CHST9: variants seen among roughly 807,000 people sequenced by gnomAD.
CHST9 encodes GalNAc-4-sulfotransferase 2.
In CHST9, 41 loss-of-function variants were observed where a neutral mutation model predicts 44.4. The ratio of observed to expected loss-of-function variants is 0.92; its 90% CI spans 0.72 to 1.20. The LOEUF is 1.20. CHST9 is among the 50% of genes most tolerant of loss of function. The pLI, the probability that CHST9 is intolerant of heterozygous loss-of-function variation, is 0.00. For missense variants in CHST9, 504 were observed against 516.5 expected (o/e 0.98, Z 0.23); for synonymous variants, 171 against 178.4 (o/e 0.96, Z 0.33).
At chr18:26,969,370 C>CTGTGTGTGTGTG (rs577001525) in intron 4 of CHST9, among the ~76,000 whole-genome samples, 21 of 121,910 alleles carry the variant, frequency 1.7e-4, no homozygotes, top group African/African-American at 2.8e-4. Flanking sequence ...TTCTCTCTCT[C>CTGTGTGTGTGTG]TCTCTCTGTG....
Position 27,163,614 on chromosome 18 carries a change from A to G in CHST9, c.-96-20709T>C, listed in dbSNP as rs577427179. ...CCGTGGGCGTAGGACCCTCCAAGCC[A>G]GGTGCAGGATATAATCTCCTGCTGT... is the stretch of plus-strand genomic sequence containing the variant. On this transcript the variant is annotated intron_variant, in intron 1 of 5. Transcript: ENST00000618847. 2.0e-5 allele frequency among the ~76,000 whole-genome samples: 3 copies of G among 152,340 alleles called. No homozygotes were observed. The East Asian group carries it at 5.8e-4, about 29-fold the overall frequency.
At chr18:27,103,943 C>T (rs2058197260) in intron 2 of CHST9, among the ~76,000 whole-genome samples, 1 of 152,194 alleles carries the variant, frequency 6.6e-6, no homozygotes, top group Non-Finnish European at 1.5e-5. Flanking sequence ...AGGTAATTTA[C>T]TAATCAATAC....
chr18:26,916,479 T>C lies in CHST9; in HGVS notation c.1112A>G (p.Glu371Gly), dbSNP rs2055525825. 1 of 1,613,758 alleles carries C rather than the reference T, an allele frequency of 6.2e-7. No homozygotes were observed. Among genetic ancestry groups the C allele is most frequent in the Non-Finnish European group, 8.5e-7 (1 of 1,179,728 alleles). ...LINYDFVGKF[E>G]TLEEDANYFL... ...GTAATTGGCATCTTCTTCCAAAGTC[T>C]CAAATTTCCCTACAAAATCATAGTT... Residue 371 changes from glutamate (E) to glycine (G), a missense_variant, in exon 6 of 6, where the codon GAG (glutamate) becomes GGG (glycine). Glu to Gly is a moderately conservative substitution (Grantham distance 98). Coordinates refer to ENST00000618847, the MANE Select transcript of CHST9 (RefSeq NM_031422.6).
chr18:27,100,539 T>C (rs1322045061), intron 2 of CHST9, among the ~76,000 whole-genome samples: 1 of 152,226 alleles, frequency 6.6e-6, no homozygotes, highest in Admixed American at 6.5e-5. Flanking sequence ...GGGGCACTGA[T>C]TCTTGACTGA....
chr18:27,064,337 T>G (rs1256932600), intron 2 of CHST9, among the ~76,000 whole-genome samples: 2 of 151,802 alleles, frequency 1.3e-5, no homozygotes, highest in Non-Finnish European at 2.9e-5. Context: ...GGGCCCAGGT[T>G]GCTGTCTCTG....
At chr18:26,985,530 A>G (rs2056744293) in intron 4 of CHST9, among the ~76,000 whole-genome samples, 2 of 152,222 alleles carry the variant, frequency 1.3e-5, no homozygotes, top group Non-Finnish European at 2.9e-5. Flanking sequence ...AGAGAAAACT[A>G]CAATAGAGCC....
At chr18:26,920,108 T>G (rs1286419571) in intron 5 of CHST9, among the ~76,000 whole-genome samples, 2 of 152,322 alleles carry the variant, frequency 1.3e-5, no homozygotes, top group African/African-American at 4.8e-5. Flanking sequence ...ATTTAGTGAC[T>G]CTGACATCCA....
intron 4 of CHST9, among the ~76,000 whole-genome samples, chr18:26,967,938 C>A (rs1442798615): frequency 1.7e-4 from 26 of 152,224 alleles, no homozygotes; most frequent in Non-Finnish European, 4.4e-5. Context: ...TGCCCTCGAA[C>A]ATCAGACTCC....
chr18:26,933,898 T>C (rs2145092669), intron 5 of CHST9: 1 of 153,438 alleles, frequency 6.5e-6, no homozygotes, highest in African/African-American at 2.4e-5. Context: ...TTACGTTAAA[T>C]AGATGTCCAA....
intron 2 of CHST9, among the ~76,000 whole-genome samples, chr18:27,122,481 CA>C (rs1298509583): frequency 2.0e-5 from 3 of 151,988 alleles, no homozygotes; most frequent in Admixed American, 6.6e-5. Context: ...AGAACAACAA[CA>C]AAAAAAGTTG....
chr18:26,950,205 A>G (rs1474683460), intron 4 of CHST9, among the ~76,000 whole-genome samples: 1 of 152,196 alleles, frequency 6.6e-6, no homozygotes, highest in Non-Finnish European at 1.5e-5. Context: ...CCCTGGGCCT[A>G]GGCGACATAC....
intron 2 of CHST9, among the ~76,000 whole-genome samples, chr18:27,130,702 G>T (rs1011598682): frequency 6.6e-6 from 1 of 152,126 alleles, no homozygotes; most frequent in Non-Finnish European, 1.5e-5. Flanking sequence ...ACTTTAATGT[G>T]CATCAGTTGG....
rs1254915073 is a variant in CHST9 at position 27,097,078 on chromosome 18, A to G, written c.121+45611T>C. Among the ~76,000 whole-genome samples the G allele has an allele frequency of 3.9e-5, 6 of 152,294 alleles. No homozygotes were observed. The East Asian group carries it at 9.7e-4, about 25-fold the overall frequency. ...CAGCACATCAAAAAGTTAATTTACC[A>G]TGATCAAATAGGCTTCATTCCCGGG... On this transcript the variant is annotated intron_variant, in intron 2 of 5. Transcript: ENST00000618847.
At chr18:27,018,181 T>C (rs1028756764) in intron 4 of CHST9, among the ~76,000 whole-genome samples, 26 of 152,180 alleles carry the variant, frequency 1.7e-4, no homozygotes, top group African/African-American at 6.0e-4. Flanking sequence ...GCCCCAAAAA[T>C]TGACTTTTGA....
At chr18:26,992,258 A>C (rs1468809504) in intron 4 of CHST9, among the ~76,000 whole-genome samples, 1 of 122,342 alleles carries the variant, frequency 8.2e-6, no homozygotes, top group African/African-American at 2.7e-5. Flanking sequence ...AACAAATCAC[A>C]CCACATCTAT....
chr18:27,120,185 A>G (rs1231533333), intron 2 of CHST9, among the ~76,000 whole-genome samples: 7 of 152,182 alleles, frequency 4.6e-5, no homozygotes, highest in Non-Finnish European at 8.8e-5. Flanking sequence ...CTGGCAAGGA[A>G]ACAGTTGGAT....
intron 1 of CHST9, among the ~76,000 whole-genome samples, chr18:27,159,033 C>T (rs2058722898): frequency 6.6e-6 from 1 of 152,178 alleles, no homozygotes; most frequent in South Asian, 2.1e-4. Context: ...GAGCAGATTG[C>T]AAAAATTTTC....
chr18:26,920,653 G>A (rs1445133248), intron 5 of CHST9, among the ~76,000 whole-genome samples: 2 of 151,948 alleles, frequency 1.3e-5, no homozygotes, highest in East Asian at 3.9e-4. Flanking sequence ...ATTTAATAGT[G>A]GTCTTCTAAA....
chr18:27,103,690 T>C (rs2058194936), intron 2 of CHST9, among the ~76,000 whole-genome samples: 1 of 152,192 alleles, frequency 6.6e-6, no homozygotes, highest in South Asian at 2.1e-4. Context: ...TGGGAGTATA[T>C]AGATGCCTTT....
Sources: gnomAD v4.1 joint callset for allele counts (sites outside exome capture counted in the v4.1 genomes callset) on GRCh38, gnomAD v4.1.1 for gene constraint, MANE v1.5 for transcripts, NCBI Gene and HGNC (gene_info 2026-07-23, HGNC 2026-07-21) for gene names.